Variants in SKAP1 observed in about 807,000 individuals in gnomAD.
SKAP1 encodes src kinase associated phosphoprotein 1.
A neutral mutation model predicts 58.5 loss-of-function variants in SKAP1; 44 were observed. That is an observed-to-expected ratio of 0.75 (90% CI 0.59 to 0.97). The LOEUF (loss-of-function observed/expected upper bound fraction) is 0.97. Among genes scored for constraint, SKAP1 ranks in the 50% least tolerant of loss-of-function variants. The probability of loss-of-function intolerance (pLI) is 0.00; values close to 1 mark genes in which losing one functional copy is unlikely to be tolerated. For missense variants in SKAP1, 390 were observed against 435.2 expected (o/e 0.90, Z 0.92); for synonymous variants, 127 against 149.7 (o/e 0.85, Z 1.11).
At chr17:48,398,668 T>C (rs2067453293) in intron 1 of SKAP1, among the ~76,000 whole-genome samples, 1 of 152,102 alleles carries the variant, frequency 6.6e-6, no homozygotes, top group Non-Finnish European at 1.5e-5. Context: ...AAAAATTTGT[T>C]TTATATTCAC....
intron 5 of SKAP1, 72 bp downstream of exon 5, chr17:48,189,351 G>T: frequency 8.1e-7 from 1 of 1,230,794 alleles, no homozygotes. Context: ...GGCATCCAAT[G>T]TGTTAGCCTT....
At position 48,364,179 on chromosome 17, in the gene SKAP1, T is replaced by C. The variant is rs547529895; in HGVS notation, c.153-365A>G. ...TGTATTACAGGACTGTGTATTACAC[T>C]GGTCCTAGGTACCAAATACCAGAGG... On this transcript the variant is annotated intron_variant, in intron 2 of 12. Coordinates refer to ENST00000336915, the MANE Select transcript of SKAP1 (RefSeq NM_003726.4). Among the ~76,000 whole-genome samples, 4 of 152,332 alleles carry C rather than the reference T, an allele frequency of 2.6e-5. No individual in the cohort carries two copies. The East Asian group carries it at 5.8e-4, about 22-fold the overall frequency.
intron 4 of SKAP1, among the ~76,000 whole-genome samples, chr17:48,309,441 G>A (rs1177714890): frequency 6.6e-6 from 1 of 152,000 alleles, no homozygotes; most frequent in East Asian, 1.9e-4. Context: ...AATTTTCTAA[G>A]GATATAAATA....
chr17:48,333,231 A>G (rs550125216), intron 4 of SKAP1, among the ~76,000 whole-genome samples: 1 of 152,300 alleles, frequency 6.6e-6, no homozygotes, highest in African/African-American at 2.4e-5. Flanking sequence ...GTGCAATTTC[A>G]GCTGTTTGCC....
chr17:48,290,597 T>A (rs578140244), intron 4 of SKAP1, among the ~76,000 whole-genome samples: 23 of 152,360 alleles, frequency 1.5e-4, no homozygotes, highest in African/African-American at 5.5e-4. Flanking sequence ...CTCTCTTCCC[T>A]ATTTTATTTC....
intron 1 of SKAP1, among the ~76,000 whole-genome samples, chr17:48,427,820 C>G (rs931828038): frequency 5.9e-5 from 9 of 151,900 alleles, no homozygotes; most frequent in African/African-American, 1.9e-4. Context: ...ACTAGAGTTG[C>G]AGCCCTCACA....
intron 11 of SKAP1, among the ~76,000 whole-genome samples, chr17:48,161,667 G>A (rs979005053): frequency 1.3e-5 from 2 of 152,168 alleles, no homozygotes; most frequent in African/African-American, 4.8e-5. Flanking sequence ...AAAGTTAGCT[G>A]GCCTGTGTGG....
At chr17:48,223,534 T>C (rs2065028979) in intron 4 of SKAP1, among the ~76,000 whole-genome samples, 1 of 152,198 alleles carries the variant, frequency 6.6e-6, no homozygotes, top group Non-Finnish European at 1.5e-5. Flanking sequence ...TGTGAACTGC[T>C]GAAAACTGAA....
intron 1 of SKAP1, among the ~76,000 whole-genome samples, chr17:48,421,137 G>T (rs757801489): frequency 3.3e-5 from 5 of 152,108 alleles, no homozygotes; most frequent in Non-Finnish European, 7.4e-5. Flanking sequence ...AAAAGACCTA[G>T]GCAGTCCATC....
At chr17:48,153,060 G>C (rs374790640) in intron 11 of SKAP1, among the ~76,000 whole-genome samples, 9 of 152,066 alleles carry the variant, frequency 5.9e-5, no homozygotes, top group Admixed American at 2.0e-4. Flanking sequence ...TACATACACA[G>C]AGAGAGAGAA....
intron 4 of SKAP1, among the ~76,000 whole-genome samples, chr17:48,192,591 G>A (rs1294191648): frequency 3.3e-5 from 5 of 152,142 alleles, no homozygotes; most frequent in Admixed American, 2.0e-4. Flanking sequence ...TTATTTAGAT[G>A]TTAAGACTCC....
intron 4 of SKAP1, among the ~76,000 whole-genome samples, chr17:48,315,187 T>TA (rs1567864655): frequency 2.0e-5 from 3 of 152,142 alleles, no homozygotes; most frequent in Non-Finnish European, 4.4e-5. Context: ...TTAGTACTCA[T>TA]ATAATAATTT....
In SKAP1 at chr17:48,266,240, T is replaced by G. The variant is rs183631168; in HGVS notation, c.281-76740A>C. Among the ~76,000 whole-genome samples the G allele has an allele frequency of 1.5e-3, 225 of 152,318 alleles. 1 individual carries two copies. Among genetic ancestry groups the G allele is most frequent in the Non-Finnish European group, 2.0e-3 (134 of 68,024 alleles). On this transcript the variant is annotated intron_variant, in intron 4 of 12. Coordinates refer to ENST00000336915, the MANE Select transcript of SKAP1 (RefSeq NM_003726.4). ...ATAAGCTATATCAAATAGATCTTAA[T>G]GTAAATTGTTAGGCTGGTGCAAACA...
At chr17:48,389,818 GAAATA>G (rs2067324335) in intron 2 of SKAP1, among the ~76,000 whole-genome samples, 1 of 152,090 alleles carries the variant, frequency 6.6e-6, no homozygotes, top group Non-Finnish European at 1.5e-5. Flanking sequence ...ACAGAATCAT[GAAATA>G]AAATAAAATC....
chr17:48,350,287 A>AT (rs1226745414), intron 3 of SKAP1, among the ~76,000 whole-genome samples: 1 of 151,178 alleles, frequency 6.6e-6, no homozygotes, highest in Non-Finnish European at 1.5e-5. Context: ...TAAAGTCTCG[A>AT]TTTTTTTTGT....
chr17:48,152,241 A>T (rs2063910412), intron 11 of SKAP1, among the ~76,000 whole-genome samples: 1 of 152,164 alleles, frequency 6.6e-6, no homozygotes, highest in South Asian at 2.1e-4. Flanking sequence ...TAATCCTATA[A>T]TCTCCATAGA....
At chr17:48,290,747 C>G (rs916352148) in intron 4 of SKAP1, among the ~76,000 whole-genome samples, 1 of 152,144 alleles carries the variant, frequency 6.6e-6, no homozygotes, top group African/African-American at 2.4e-5. Flanking sequence ...CAGTAAATAT[C>G]TGTTGAATAA....
At chr17:48,427,953 G>C (rs995737212) in intron 1 of SKAP1, among the ~76,000 whole-genome samples, 1 of 152,134 alleles carries the variant, frequency 6.6e-6, no homozygotes, top group South Asian at 2.1e-4. Flanking sequence ...ACAACAAATT[G>C]ATGGCCATTT....
intron 3 of SKAP1, among the ~76,000 whole-genome samples, chr17:48,361,826 T>A (rs1359232862): frequency 2.0e-5 from 3 of 152,180 alleles, no homozygotes; most frequent in Non-Finnish European, 4.4e-5. Flanking sequence ...TTCTTACATA[T>A]TTCTAATCTT....
Sources: allele counts gnomAD v4.1 joint callset (sites outside exome capture counted in the v4.1 genomes callset), GRCh38; gene constraint gnomAD v4.1.1; transcripts MANE v1.5; gene names NCBI Gene and HGNC (gene_info 2026-07-23, HGNC 2026-07-21).